RGS21: variants seen among roughly 807,000 people sequenced by gnomAD.
RGS21 encodes the protein regulator of G-protein signalling 21.
A neutral mutation model predicts 18.7 loss-of-function variants in RGS21; 19 were observed. The ratio of observed to expected loss-of-function variants is 1.01; its 90% CI spans 0.71 to 1.49. The LOEUF (loss-of-function observed/expected upper bound fraction) is 1.49. Among genes scored for constraint, RGS21 ranks in the 40% most tolerant of loss-of-function variants. The pLI is 0.00. For synonymous variants in RGS21, 56 were observed against 57.8 expected, an observed-to-expected ratio of 0.97 and a Z score of 0.14; for missense variants, 194 against 176.8, an observed-to-expected ratio of 1.10 and a Z score of -0.55.
intron 4 of RGS21, among the ~76,000 whole-genome samples, chr1:192,353,410 A>G (rs967366631): frequency 7.2e-5 from 11 of 151,938 alleles, no homozygotes; most frequent in African/African-American, 2.7e-4. Flanking sequence ...TCTAAGAATC[A>G]ATAAATAATT....
rs964852526 is a variant in RGS21 at position 192,366,783 on chromosome 1, T to C, written c.*659T>C. The C allele has an allele frequency of 6.6e-6, 1 of 151,842 alleles. No homozygotes were observed. The highest frequency in any genetic ancestry group is 1.5e-5 in the Non-Finnish European group (1 of 67,898). 9.4% of individuals were successfully genotyped at this position (151,842 alleles called of 1,614,324 possible). On this transcript the variant is annotated 3_prime_UTR_variant, in exon 5 of 5. Transcript: ENST00000417209. Reference sequence around the variant, plus strand: ...GTTATGTATGAAAAGGCCTCAAGGGTGGGGAATACTGATTTTCTTATGTTA... The same window carrying C: ...GTTATGTATGAAAAGGCCTCAAGGGCGGGGAATACTGATTTTCTTATGTTA...
intron 1 of RGS21, among the ~76,000 whole-genome samples, chr1:192,335,019 A>G (rs1289974103): frequency 6.6e-6 from 1 of 152,132 alleles, no homozygotes; most frequent in Non-Finnish European, 1.5e-5. Context: ...ACCTACAAAT[A>G]ACAGTATTAA....
At chr1:192,354,540 G>A (rs553734056) in intron 4 of RGS21, among the ~76,000 whole-genome samples, 15 of 151,734 alleles carry the variant, frequency 9.9e-5, no homozygotes, top group African/African-American at 3.4e-4. Context: ...ATGATGGAAT[G>A]TATTCTAGAT....
intron 4 of RGS21, among the ~76,000 whole-genome samples, chr1:192,364,393 C>A (rs1482942416): frequency 6.6e-6 from 1 of 152,034 alleles, no homozygotes; most frequent in Non-Finnish European, 1.5e-5. Context: ...TTTCAAATTA[C>A]TTTTTTTATT....
chr1:192,328,947 A>G (rs180960950), intron 1 of RGS21, among the ~76,000 whole-genome samples: 157 of 152,260 alleles, frequency 1.0e-3, no homozygotes, highest in African/African-American at 3.6e-3. Context: ...ATATGATTAA[A>G]TTCAATTAAC....
At chr1:192,348,771 T>TATAAC (rs1171405598) in intron 3 of RGS21, among the ~76,000 whole-genome samples, 2 of 151,984 alleles carry the variant, frequency 1.3e-5, no homozygotes, top group African/African-American at 4.8e-5. Context: ...ATGTTTATAA[T>TATAAC]ATTATTTGTA....
At chr1:192,331,545 C>CTAAA (rs200622803) in intron 1 of RGS21, among the ~76,000 whole-genome samples, 33,837 of 143,688 alleles carry the variant, frequency 0.24, 4,111 homozygotes, top group South Asian at 0.29. Flanking sequence ...GACTCCGTCT[C>CTAAA]TAAATAAATA....
chr1:192,352,314 A>G lies in RGS21; in HGVS notation c.255+101A>G, dbSNP rs1023908455. Reference sequence around the variant, plus strand: ...TCTAAAAGATAATCAAATTCTCAGTATGTGTTTAAATAGAAAATGTCAGTA... The same window carrying G: ...TCTAAAAGATAATCAAATTCTCAGTGTGTGTTTAAATAGAAAATGTCAGTA... On this transcript the variant is annotated intron_variant, in intron 4 of 4. Coordinates refer to ENST00000417209, the MANE Select transcript of RGS21 (RefSeq NM_001039152.3). The G allele has an allele frequency of 9.1e-6, 7 of 767,722 alleles. No individual in the cohort carries two copies. In the African/African-American group the frequency reaches 1.3e-4, roughly 14 times the overall value. The allele number at this position is 767,722 out of a possible 1,614,324, so 47.6% of individuals were successfully genotyped here. A position where few individuals can be genotyped will look rare whatever the true frequency, so the allele number is the denominator to read the frequency against.
At chr1:192,334,933 A>G (rs1228980199) in intron 1 of RGS21, among the ~76,000 whole-genome samples, 1 of 152,116 alleles carries the variant, frequency 6.6e-6, no homozygotes, top group African/African-American at 2.4e-5. Flanking sequence ...AAGCCTGCCT[A>G]ATGAGTTTGC....
At chr1:192,330,568 CA>C (rs1292914861) in intron 1 of RGS21, among the ~76,000 whole-genome samples, 4 of 152,020 alleles carry the variant, frequency 2.6e-5, no homozygotes, top group Non-Finnish European at 5.9e-5. Context: ...GGCAAAAAAA[CA>C]AAATGAGATC....
chr1:192,355,034 T>C (rs1659092404), intron 4 of RGS21, among the ~76,000 whole-genome samples: 1 of 151,632 alleles, frequency 6.6e-6, no homozygotes, highest in South Asian at 2.1e-4. Flanking sequence ...GGATTTTATG[T>C]CCTCTCCTTT....
chr1:192,333,479 A>G (rs774053224), intron 1 of RGS21, among the ~76,000 whole-genome samples: 1 of 152,120 alleles, frequency 6.6e-6, no homozygotes, highest in Non-Finnish European at 1.5e-5. Flanking sequence ...CACACATACT[A>G]TGACATACTA....
At chr1:192,341,431 C>T (rs182160279) in intron 1 of RGS21, among the ~76,000 whole-genome samples, 55 of 152,206 alleles carry the variant, frequency 3.6e-4, no homozygotes, top group Admixed American at 3.0e-3. Context: ...GATGTCCCAA[C>T]AGTATCTATA....
intron 1 of RGS21, among the ~76,000 whole-genome samples, chr1:192,332,497 A>G (rs553218775): frequency 8.5e-5 from 13 of 152,324 alleles, no homozygotes; most frequent in East Asian, 7.7e-4. Context: ...ATGTAACTCT[A>G]AAATGGTTAG....
chr1:192,320,625 A>T (rs910770145), intron 1 of RGS21, among the ~76,000 whole-genome samples: 2 of 151,670 alleles, frequency 1.3e-5, no homozygotes, highest in African/African-American at 2.4e-5. Context: ...AATACATTCA[A>T]TCTAAAGCAG....
chr1:192,363,451 GA>G (rs1293656383), intron 4 of RGS21, among the ~76,000 whole-genome samples: 1 of 152,078 alleles, frequency 6.6e-6, no homozygotes, highest in African/African-American at 2.4e-5. Flanking sequence ...ATAGTTAATT[GA>G]AGAAACAGGC....
At chr1:192,352,867 A>G (rs776959844) in intron 4 of RGS21, among the ~76,000 whole-genome samples, 2 of 152,084 alleles carry the variant, frequency 1.3e-5, no homozygotes, top group African/African-American at 2.4e-5. Flanking sequence ...TAATTTCCAG[A>G]GCCAAAACCA....
intron 3 of RGS21, among the ~76,000 whole-genome samples, chr1:192,349,064 GT>G (rs1658996375): frequency 6.6e-6 from 1 of 152,116 alleles, no homozygotes; most frequent in Non-Finnish European, 1.5e-5. Flanking sequence ...TGTTTATTAA[GT>G]GTTAAATGGT....
At chr1:192,361,242 A>G (rs1265506138) in intron 4 of RGS21, among the ~76,000 whole-genome samples, 1 of 152,134 alleles carries the variant, frequency 6.6e-6, no homozygotes, top group Non-Finnish European at 1.5e-5. Flanking sequence ...AGTTGATGTT[A>G]TTGTTCAAAA....
Sources: allele counts gnomAD v4.1 joint callset (sites outside exome capture counted in the v4.1 genomes callset), GRCh38; gene constraint gnomAD v4.1.1; transcripts MANE v1.5; gene names NCBI Gene and HGNC (gene_info 2026-07-23, HGNC 2026-07-21).